Variants in UBE2V2 observed in about 807,000 individuals in gnomAD.
UBE2V2 encodes ubiquitin conjugating enzyme E2 V2, also known as ubiquitin-conjugating enzyme E2 variant 2.
In UBE2V2, 9 loss-of-function variants were observed where a neutral mutation model predicts 17.2. That is an observed-to-expected ratio of 0.52 (90% confidence interval 0.32 to 0.91). The LOEUF (loss-of-function observed/expected upper bound fraction) is 0.91. Among genes scored for constraint, UBE2V2 ranks in the 40% least tolerant of loss-of-function variants. UBE2V2 has a pLI of 0.04. For synonymous variants in UBE2V2, 61 were observed against 57.5 expected (o/e 1.06, Z -0.28); for missense variants, 133 against 182.6 (o/e 0.73, Z 1.56).
rs2091230487 is a variant in UBE2V2, at chr8:48,011,361, A to G, written c.16+2891A>G. Among the ~76,000 whole-genome samples the G allele has an allele frequency of 3.3e-5, 5 of 152,134 alleles. No individual in the cohort carries two copies. In the South Asian group the frequency reaches 8.3e-4, roughly 25 times the overall value. On this transcript the variant is annotated intron_variant, in intron 1 of 3. Transcript: ENST00000523111. Reference sequence around the variant, plus strand: ...TTATTGTATATATATTTTTTCTAGTAGAGATGGGGTTTCACCATGTTGGCC... The same window carrying G: ...TTATTGTATATATATTTTTTCTAGTGGAGATGGGGTTTCACCATGTTGGCC...
chr8:47,999,511 C>G, the UBE2V2 span, among the ~76,000 whole-genome samples: 1 of 152,052 alleles, frequency 6.6e-6, no homozygotes, highest in Admixed American at 6.5e-5. Context: ...CATGTTCCAC[C>G]ATGCCCAGCT....
intron 1 of UBE2V2, among the ~76,000 whole-genome samples, chr8:48,010,697 T>G (rs573875911): frequency 8.1e-4 from 112 of 138,890 alleles, no homozygotes; most frequent in Middle Eastern, 4.7e-3. Flanking sequence ...TGGGTTTGTT[T>G]GTTTTTTTTT....
chr8:48,013,108 G>C lies in UBE2V2; in HGVS notation c.16+4638G>C, dbSNP rs1281899689. The stretch of plus-strand genomic sequence containing the variant: ...GATCCGCCCGCCTTGGCCTCCCAAA[G>C]TGCTGGGATCACTGGTGTGAGCCAC... On this transcript the variant is annotated intron_variant, in intron 1 of 3. Coordinates refer to ENST00000523111, the MANE Select transcript of UBE2V2 (RefSeq NM_003350.3). Among the ~76,000 whole-genome samples, 2 of 152,138 alleles carry C rather than the reference G, an allele frequency of 1.3e-5. 1 individual carries two copies. Among genetic ancestry groups the C allele is most frequent in the South Asian group, 4.2e-4 (2 of 4,816 alleles).
At chr8:48,044,325 T>C (rs2091484070) in intron 2 of UBE2V2, among the ~76,000 whole-genome samples, 1 of 152,168 alleles carries the variant, frequency 6.6e-6, no homozygotes, top group Admixed American at 6.5e-5. Flanking sequence ...ATATTTGTAG[T>C]TTTTGTAGAG....
At chr8:48,051,089 T>C (rs920245495) in intron 3 of UBE2V2, among the ~76,000 whole-genome samples, 2 of 151,982 alleles carry the variant, frequency 1.3e-5, no homozygotes, top group African/African-American at 4.8e-5. Context: ...TCAAGTGATC[T>C]GCCCACCTTG....
At chr8:48,054,923 A>G (rs1163292681) in intron 3 of UBE2V2, among the ~76,000 whole-genome samples, 2 of 148,456 alleles carry the variant, frequency 1.3e-5, no homozygotes, top group Non-Finnish European at 3.0e-5. Flanking sequence ...TTTTCCTCCA[A>G]TGTTTCTTTT....
chr8:48,052,005 A>G (rs1467079405), intron 3 of UBE2V2, among the ~76,000 whole-genome samples: 1 of 152,064 alleles, frequency 6.6e-6, no homozygotes, highest in Admixed American at 6.6e-5. Flanking sequence ...AATATTCTTA[A>G]TTACTGACAT....
chr8:48,032,503 A>G (rs2091390573), intron 1 of UBE2V2, among the ~76,000 whole-genome samples: 2 of 152,152 alleles, frequency 1.3e-5, no homozygotes, highest in Admixed American at 1.3e-4. Context: ...CTATAATCTC[A>G]GTACTTTGGG....
the UBE2V2 span, among the ~76,000 whole-genome samples, chr8:47,999,898 G>A: frequency 6.6e-6 from 1 of 152,214 alleles, no homozygotes; most frequent in Non-Finnish European, 1.5e-5. Context: ...CCACATGAAA[G>A]GGTTGTGATC....
intron 1 of UBE2V2, among the ~76,000 whole-genome samples, chr8:48,016,047 G>A (rs117623375): frequency 0.011 from 1,641 of 151,724 alleles, 30 homozygotes; most frequent in East Asian, 0.065. Context: ...ACTGGCACCC[G>A]CCGCCAAGCC....
rs759844335 is a variant in UBE2V2, at chr8:48,008,439, C to G, written c.-16C>G. On this transcript the variant is annotated 5_prime_UTR_variant, in exon 1 of 4. Transcript: ENST00000523111. ...CGTGCGTGCGTGCGGGCGGCTGCGT[C>G]GGGCTGCAGGAGAAGATGGCGGTCT... The G allele has an allele frequency of 1.3e-6, 2 of 1,565,560 alleles. No homozygotes were observed. The highest frequency in any genetic ancestry group is 3.7e-5 in the Admixed American group (2 of 53,920).
At chr8:48,013,007 G>A (rs1207194725) in intron 1 of UBE2V2, among the ~76,000 whole-genome samples, 3 of 151,622 alleles carry the variant, frequency 2.0e-5, no homozygotes, top group African/African-American at 4.8e-5. Flanking sequence ...TGTCACACCC[G>A]GATAATTTTT....
At chr8:48,004,759 G>C (rs539182642), upstream of UBE2V2, among the ~76,000 whole-genome samples, 1 of 152,006 alleles carries the variant, frequency 6.6e-6, no homozygotes, top group South Asian at 2.1e-4. Flanking sequence ...TTGAATTCCC[G>C]ACCTTGTGAT....
At chr8:48,047,997 T>TTG (rs2091510998) in intron 2 of UBE2V2, among the ~76,000 whole-genome samples, 2 of 144,030 alleles carry the variant, frequency 1.4e-5, no homozygotes, top group African/African-American at 5.1e-5. Flanking sequence ...AGCTTTGGGT[T>TTG]TTTTTTTTTT....
intron 1 of UBE2V2, among the ~76,000 whole-genome samples, chr8:48,009,498 T>C (rs1292613406): frequency 6.6e-6 from 1 of 152,152 alleles, no homozygotes; most frequent in African/African-American, 2.4e-5. Flanking sequence ...ACTCCTGACC[T>C]CAGGTGATCC....
chr8:48,036,022 A>G (rs2091422667), intron 1 of UBE2V2, among the ~76,000 whole-genome samples: 1 of 147,138 alleles, frequency 6.8e-6, no homozygotes, highest in Non-Finnish European at 1.5e-5. Flanking sequence ...GTGAACAAAC[A>G]TGGCTCACTG....
At chr8:48,042,976 C>T (rs555442975) in intron 1 of UBE2V2, 57 bp from the exon 2 acceptor site, 22 of 1,327,686 alleles carry the variant, frequency 1.7e-5, no homozygotes, top group African/African-American at 4.5e-5. Flanking sequence ...AATTTAAATA[C>T]GTGTAGCTCT....
rs2091245566 is a variant in UBE2V2 at position 48,013,203 on chromosome 8, G to A, written c.16+4733G>A. Among the ~76,000 whole-genome samples, 6 of 152,018 alleles carry A rather than the reference G, an allele frequency of 3.9e-5. No homozygotes were observed. In the South Asian group the frequency reaches 1.0e-3, roughly 26 times the overall value. ...TTGTCACAATTAAGGAACCAATATTGACACATTTATTATTAACTAAAGTTC... is the reference window on the plus strand; with the variant it reads ...TTGTCACAATTAAGGAACCAATATTAACACATTTATTATTAACTAAAGTTC... On this transcript the variant is annotated intron_variant, in intron 1 of 3. Coordinates refer to ENST00000523111, the MANE Select transcript of UBE2V2 (RefSeq NM_003350.3).
At chr8:48,040,487 C>T (rs961033544) in intron 1 of UBE2V2, among the ~76,000 whole-genome samples, 1 of 152,122 alleles carries the variant, frequency 6.6e-6, no homozygotes, top group African/African-American at 2.4e-5. Context: ...CTAAGAAGCA[C>T]ATTTTCATAT....
Sources: allele counts gnomAD v4.1 joint callset (sites outside exome capture counted in the v4.1 genomes callset), GRCh38; gene constraint gnomAD v4.1.1; transcripts MANE v1.5; gene names NCBI Gene and HGNC (gene_info 2026-07-23, HGNC 2026-07-21).